The following ANKH variants were observed in gnomAD, a reference collection of about 807,000 sequenced individuals.
ANKH encodes the protein ANKH inorganic pyrophosphate transport regulator.
In ANKH, 15 loss-of-function variants were observed where a neutral mutation model predicts 49.0. The ratio of observed to expected loss-of-function variants is 0.31; its 90% CI spans 0.20 to 0.47. The LOEUF (loss-of-function observed/expected upper bound fraction) is 0.47, where lower values mean the gene tolerates loss of function less well. Among genes scored for constraint, ANKH ranks in the 20% least tolerant of loss-of-function variants. The pLI, the probability that ANKH is intolerant of heterozygous loss-of-function variation, is 1.00. For synonymous variants in ANKH, 273 were observed against 260.0 expected, an observed-to-expected ratio of 1.05 and a Z score of -0.48; for missense variants, 429 against 652.0, an observed-to-expected ratio of 0.66 and a Z score of 3.72.
intron 1 of ANKH, among the ~76,000 whole-genome samples, chr5:14,847,780 A>G (rs1307368604): frequency 2.0e-5 from 3 of 152,192 alleles, no homozygotes; most frequent in Non-Finnish European, 4.4e-5. Flanking sequence ...CTTTCAAATA[A>G]CCATGGCTTC....
intron 1 of ANKH, among the ~76,000 whole-genome samples, chr5:14,776,050 G>A (rs991316562): frequency 2.5e-4 from 38 of 152,192 alleles, no homozygotes; most frequent in African/African-American, 8.9e-4. Flanking sequence ...ACTTGGCTTG[G>A]GTCCCAACGC....
At chr5:14,839,939 A>C (rs767945862) in intron 1 of ANKH, among the ~76,000 whole-genome samples, 3 of 152,196 alleles carry the variant, frequency 2.0e-5, no homozygotes, top group Non-Finnish European at 2.9e-5. Flanking sequence ...GAAAATTACC[A>C]ATGTCTGATT....
intron 1 of ANKH, among the ~76,000 whole-genome samples, chr5:14,802,479 C>T (rs374160854): frequency 6.6e-5 from 10 of 152,212 alleles, no homozygotes; most frequent in Admixed American, 3.3e-4. Context: ...GTTGTCCCCT[C>T]GAGTCCATTT....
intron 8 of ANKH, 146 bp downstream of exon 8, chr5:14,741,681 G>A: frequency 1.5e-6 from 1 of 676,142 alleles, no homozygotes. Context: ...GTTCACATTT[G>A]AAGAAGAAAG....
At chr5:14,758,343 G>A (rs1580045594) in intron 3 of ANKH, 137 bp downstream of exon 3, 1 of 730,548 alleles carries the variant, frequency 1.4e-6, no homozygotes, top group Admixed American at 2.2e-5. Context: ...CTGAAGATTG[G>A]TTACACAATA....
At position 14,741,856 on chromosome 5, in the gene ANKH, T is replaced by C. The variant is rs566488014; in HGVS notation, c.982A>G (p.Thr328Ala). ...AGTGACAGAGCCATGCAGACGAAGG[T>C]GAACTTCTTGATGTGGGCTGCCGTG... ...TVTAAHIKKF[T>A]FVCMALSLTL... is the part of the protein sequence containing the mutation. Residue 328 changes from threonine (T) to alanine (A), a missense_variant, in exon 8 of 12, where the codon ACC (threonine) becomes GCC (alanine). Thr to Ala is a moderately conservative substitution (Grantham distance 58). Transcript: ENST00000284268. The C allele has an allele frequency of 1.2e-6, 2 of 1,613,848 alleles. No individual in the cohort carries two copies. Among genetic ancestry groups the C allele is most frequent in the Non-Finnish European group, 1.7e-6 (2 of 1,179,936 alleles).
chr5:14,746,051 G>A (rs1263783469), intron 6 of ANKH, 89 bp from the exon 7 acceptor site: 1 of 1,027,356 alleles, frequency 9.7e-7, no homozygotes, highest in Non-Finnish European at 1.5e-6. Flanking sequence ...GCCGACTCAG[G>A]TGCAGCCACT....
At chr5:14,807,230 TC>T (rs1740735106) in intron 1 of ANKH, among the ~76,000 whole-genome samples, 1 of 150,608 alleles carries the variant, frequency 6.6e-6, no homozygotes, top group African/African-American at 2.4e-5. Context: ...TCCTCCTACC[TC>T]CGCCTCCCGA....
At chr5:14,842,587 T>C (rs1741844124) in intron 1 of ANKH, among the ~76,000 whole-genome samples, 1 of 152,126 alleles carries the variant, frequency 6.6e-6, no homozygotes, top group Admixed American at 6.5e-5. Context: ...GCATAAGACC[T>C]GGGAAAACTA....
intron 1 of ANKH, among the ~76,000 whole-genome samples, chr5:14,771,559 C>CA (rs1448582731): frequency 2.0e-5 from 3 of 152,184 alleles, no homozygotes; most frequent in Non-Finnish European, 4.4e-5. Context: ...AACATGGTGC[C>CA]ATCCCTATTG....
intron 1 of ANKH, among the ~76,000 whole-genome samples, chr5:14,826,649 T>C (rs554408875): frequency 6.6e-6 from 1 of 152,344 alleles, no homozygotes; most frequent in Non-Finnish European, 1.5e-5. Context: ...CTTTCATTAT[T>C]TTATTCAGAA....
intron 6 of ANKH, among the ~76,000 whole-genome samples, chr5:14,748,564 T>C (rs183418466): frequency 2.0e-4 from 30 of 152,374 alleles, no homozygotes; most frequent in Non-Finnish European, 2.9e-4. Context: ...GAGTCAACTC[T>C]TTCTTTGGAG....
At chr5:14,783,423 G>A (rs1195353497) in intron 1 of ANKH, among the ~76,000 whole-genome samples, 1 of 152,098 alleles carries the variant, frequency 6.6e-6, no homozygotes, top group Non-Finnish European at 1.5e-5. Context: ...TTTGCTGTGT[G>A]CAAGTAGGAA....
intron 1 of ANKH, among the ~76,000 whole-genome samples, chr5:14,778,154 G>A (rs896431310): frequency 3.3e-5 from 5 of 152,190 alleles, no homozygotes; most frequent in African/African-American, 1.2e-4. Context: ...GCAGCACCCG[G>A]CCTGGGGTCA....
At chr5:14,778,694 A>C (rs1739711624) in intron 1 of ANKH, among the ~76,000 whole-genome samples, 1 of 151,678 alleles carries the variant, frequency 6.6e-6, no homozygotes, top group African/African-American at 2.4e-5. Context: ...CTTCCTTACT[A>C]CTGCAGCCTA....
chr5:14,730,760 G>A (rs1468112833), intron 8 of ANKH, among the ~76,000 whole-genome samples: 2 of 152,236 alleles, frequency 1.3e-5, no homozygotes, highest in East Asian at 3.8e-4. Context: ...CCAAACCTCT[G>A]ACTTCTAGGA....
intron 1 of ANKH, among the ~76,000 whole-genome samples, chr5:14,859,590 A>T (rs748527644): frequency 6.6e-5 from 10 of 152,248 alleles, no homozygotes; most frequent in Non-Finnish European, 1.0e-4. Flanking sequence ...GGTGCTAGAC[A>T]CTGTAATAAC....
chr5:14,727,717 G>A (rs956797347), intron 8 of ANKH, among the ~76,000 whole-genome samples: 54 of 152,066 alleles, frequency 3.6e-4, no homozygotes, highest in Non-Finnish European at 1.5e-4. Flanking sequence ...GGGACTGGGG[G>A]AAGGGGACAT....
intron 8 of ANKH, among the ~76,000 whole-genome samples, chr5:14,718,010 C>T (rs1398635431): frequency 2.0e-5 from 3 of 152,174 alleles, no homozygotes; most frequent in Non-Finnish European, 2.9e-5. Flanking sequence ...TCCTCTTCTA[C>T]GCTCCCAGAA....
Sources: gnomAD v4.1 joint callset for allele counts (sites outside exome capture counted in the v4.1 genomes callset) on GRCh38, gnomAD v4.1.1 for gene constraint, MANE v1.5 for transcripts, NCBI Gene and HGNC (gene_info 2026-07-23, HGNC 2026-07-21) for gene names.